Variants in SFMBT1 observed in about 807,000 individuals in gnomAD.
SFMBT1 encodes scm-like with four MBT domains protein 1.
In SFMBT1, 32 loss-of-function variants were observed where a neutral mutation model predicts 108.7. That is an observed-to-expected ratio of 0.29 (90% CI 0.22 to 0.40). The LOEUF (loss-of-function observed/expected upper bound fraction) is 0.40. Among genes scored for constraint, SFMBT1 ranks in the 10% least tolerant of loss-of-function variants. The pLI, the probability that SFMBT1 is intolerant of heterozygous loss-of-function variation, is 1.00. For synonymous variants in SFMBT1, 348 were observed against 369.5 expected (o/e 0.94, Z 0.67); for missense variants, 816 against 1,059.6 (o/e 0.77, Z 3.19).
At chr3:52,916,511 T>C (rs556656693) in intron 13 of SFMBT1, among the ~76,000 whole-genome samples, 2 of 151,620 alleles carry the variant, frequency 1.3e-5, no homozygotes, top group South Asian at 4.2e-4. Context: ...CTACTAAAAA[T>C]ACAAAAAATT....
intron 1 of SFMBT1, among the ~76,000 whole-genome samples, chr3:53,001,923 T>TCACACACA (rs1334320903): frequency 4.5e-5 from 3 of 67,036 alleles, no homozygotes; most frequent in Non-Finnish European, 6.4e-5. Context: ...AGACCCAGTC[T>TCACACACA]CTCACACACA....
intron 1 of SFMBT1, among the ~76,000 whole-genome samples, chr3:52,972,841 A>AC (rs1704394510): frequency 1.7e-5 from 2 of 118,844 alleles, no homozygotes; most frequent in Non-Finnish European, 3.4e-5. Context: ...ATCTCTACTA[A>AC]ACACACACAC....
intron 10 of SFMBT1, among the ~76,000 whole-genome samples, chr3:52,922,201 C>G (rs1702540487): frequency 6.6e-6 from 1 of 152,180 alleles, no homozygotes; most frequent in Non-Finnish European, 1.5e-5. Flanking sequence ...GTGTCCTGAA[C>G]CAAGTGGCTA....
intron 3 of SFMBT1, among the ~76,000 whole-genome samples, chr3:52,945,109 T>C (rs1703313280): frequency 1.1e-5 from 1 of 87,474 alleles, no homozygotes; most frequent in South Asian, 5.0e-4. Flanking sequence ...TGGCCCAAAT[T>C]TTGATTTCCA....
chr3:52,916,166 C>A lies in SFMBT1; in HGVS notation c.1464G>T (p.Leu488=), dbSNP rs780948283. Residue 488 remains leucine, a synonymous_variant, in exon 14 of 21, where the codon CTG becomes CTT. Coordinates refer to ENST00000394752, the MANE Select transcript of SFMBT1 (RefSeq NM_016329.4). ...TVHEGLRNQE[L]NSTESVMING... Reference sequence around the variant, plus strand: ...TGCTTATACCTGACTCTGTGGAGTTCAGCTCCTGATTCCTCAGGCCCTCGT... The same window carrying A: ...TGCTTATACCTGACTCTGTGGAGTTAAGCTCCTGATTCCTCAGGCCCTCGT... 6.2e-7 allele frequency: 1 copy of A among 1,614,040 alleles called. No homozygotes were observed. Among genetic ancestry groups the A allele is most frequent in the Non-Finnish European group, 8.5e-7 (1 of 1,179,968 alleles).
chr3:53,021,015 G>A (rs1699288371), intron 1 of SFMBT1, among the ~76,000 whole-genome samples: 1 of 152,082 alleles, frequency 6.6e-6, no homozygotes, highest in Non-Finnish European at 1.5e-5. Context: ...CTGAGATCGC[G>A]CCACTGCACT....
At chr3:52,916,678 AAACAACAAC>A (rs892386307) in intron 13 of SFMBT1, among the ~76,000 whole-genome samples, 11 of 151,572 alleles carry the variant, frequency 7.3e-5, no homozygotes, top group African/African-American at 1.9e-4. Flanking sequence ...CAAAAAAACC[AAACAACAAC>A]AACAACAACA....
chr3:52,913,624 A>G lies in SFMBT1; in HGVS notation c.1481-7T>C. On this transcript the variant is annotated splice_polypyrimidine_tract_variant and splice_region_variant and intron_variant, in intron 14 of 20. Coordinates refer to ENST00000394752, the MANE Select transcript of SFMBT1 (RefSeq NM_016329.4). ...TATTTTCCATTAATCATAACTGGGA[A>G]ATGAAGAAAAACAAATATTCAAAAC... 1 of 1,612,376 alleles carries G rather than the reference A, an allele frequency of 6.2e-7. No individual in the cohort carries two copies. Among genetic ancestry groups the G allele is most frequent in the South Asian group, 1.1e-5 (1 of 90,602 alleles).
intron 1 of SFMBT1, among the ~76,000 whole-genome samples, chr3:53,019,886 C>A (rs898421585): frequency 2.0e-5 from 3 of 152,166 alleles, no homozygotes; most frequent in Admixed American, 6.5e-5. Flanking sequence ...CGAGGCCCTG[C>A]AAGATCTGGT....
At chr3:52,931,291 G>A (rs1048901937) in intron 6 of SFMBT1, among the ~76,000 whole-genome samples, 6 of 152,114 alleles carry the variant, frequency 3.9e-5, no homozygotes, top group African/African-American at 1.2e-4. Flanking sequence ...CCATAAAATT[G>A]TAATATAACA....
In SFMBT1 at chr3:52,903,572, T is replaced by C. The variant is rs1002579943; in HGVS notation, c.*1564A>G. 2.0e-5 allele frequency: 3 copies of C among 152,188 alleles called. No individual in the cohort carries two copies. Among genetic ancestry groups the C allele is most frequent in the Admixed American group, 1.3e-4 (2 of 15,276 alleles). The allele number at this position is 152,188 out of a possible 1,614,324, so 9.4% of individuals were successfully genotyped here. A position where few individuals can be genotyped will look rare whatever the true frequency, so the allele number is the denominator to read the frequency against. ...AAAAAAAAATCACAATCAGTTAAAA[T>C]TTGCTGTAATATTTCCTTATATTTG... On this transcript the variant is annotated 3_prime_UTR_variant, in exon 21 of 21. Transcript: ENST00000394752.
At chr3:52,909,982 T>A (rs928381618) in intron 17 of SFMBT1, among the ~76,000 whole-genome samples, 1 of 152,178 alleles carries the variant, frequency 6.6e-6, no homozygotes, top group Non-Finnish European at 1.5e-5. Flanking sequence ...GCCTCAAGCC[T>A]GTGCCCTTGA....
intron 14 of SFMBT1, among the ~76,000 whole-genome samples, chr3:52,914,104 G>C (rs1280263127): frequency 6.6e-6 from 1 of 152,210 alleles, no homozygotes; most frequent in East Asian, 1.9e-4. Context: ...TCCCATCTCT[G>C]AGATTTCTCA....
At chr3:52,998,316 C>CAAGGAGGTGCATTCCAAGCA (rs1559543080) in intron 1 of SFMBT1, among the ~76,000 whole-genome samples, 8 of 150,036 alleles carry the variant, frequency 5.3e-5, no homozygotes, top group Non-Finnish European at 9.0e-5. Context: ...GGCATGAACC[C>CAAGGAGGTGCATTCCAAGCA]AGGAGGTGAA....
chr3:52,960,996 G>C (rs973614979), intron 2 of SFMBT1, among the ~76,000 whole-genome samples: 13 of 152,176 alleles, frequency 8.5e-5, no homozygotes, highest in South Asian at 2.1e-4. Context: ...AAAGTAAGCT[G>C]AGCATGGTGG....
intron 1 of SFMBT1, among the ~76,000 whole-genome samples, chr3:52,985,379 A>G (rs1184222797): frequency 1.3e-5 from 2 of 152,250 alleles, no homozygotes; most frequent in Admixed American, 6.5e-5. Context: ...AGAAAAAAGA[A>G]AAGATTATTT....
At chr3:53,033,386 C>A (rs886698476) in intron 1 of SFMBT1, among the ~76,000 whole-genome samples, 1 of 152,070 alleles carries the variant, frequency 6.6e-6, no homozygotes, top group Non-Finnish European at 1.5e-5. Flanking sequence ...GTCTCAAATG[C>A]CTGACCTCAA....
chr3:52,950,561 GC>G (rs1229352115), intron 3 of SFMBT1, among the ~76,000 whole-genome samples: 4 of 151,950 alleles, frequency 2.6e-5, no homozygotes, highest in Non-Finnish European at 5.9e-5. Flanking sequence ...TGCAACCTCC[GC>G]CTCCCAGATT....
intron 8 of SFMBT1, chr3:52,928,571 T>C (rs1702733989): frequency 1.0e-5 from 2 of 198,806 alleles, no homozygotes; most frequent in African/African-American, 2.5e-5. Flanking sequence ...TAAGTACATA[T>C]ACATATATAT....
Sources: gnomAD v4.1 joint callset for allele counts (sites outside exome capture counted in the v4.1 genomes callset) on GRCh38, gnomAD v4.1.1 for gene constraint, MANE v1.5 for transcripts, NCBI Gene and HGNC (gene_info 2026-07-23, HGNC 2026-07-21) for gene names.